The following SPIN2B variants were observed in gnomAD, a reference collection of about 807,000 sequenced individuals.
The protein encoded by SPIN2B is spindlin-2B.
Under a neutral mutation model 9.3 loss-of-function variants are expected in SPIN2B, and 1 was observed. The ratio of observed to expected loss-of-function variants is 0.11; its 90% CI spans 0.04 to 0.51. SPIN2B has a LOEUF of 0.51. Ranked by LOEUF, SPIN2B falls within the 20% of genes least tolerant of loss-of-function variation. The pLI, the probability that SPIN2B is intolerant of heterozygous loss-of-function variation, is 0.94. For missense variants in SPIN2B, 32 were observed against 174.0 expected (o/e 0.18, Z 4.59); for synonymous variants, 15 against 63.4 (o/e 0.24, Z 3.63).
intron 1 of SPIN2B, chrX:57,121,025 C>T: frequency 1.3e-6 from 1 of 752,553 alleles, no homozygotes; most frequent in Non-Finnish European, 1.6e-6. Flanking sequence ...CACAACACCC[C>T]CTGCCTACCC....
Position 57,119,994 on chromosome X carries a change from C to T in SPIN2B, c.636G>A (p.Lys212=), listed in dbSNP as rs778637262. Residue 212 remains lysine (K), a synonymous_variant, in exon 2 of 2, where the codon AAG becomes AAA. Transcript: ENST00000434397. ...PGGVVDGLIG[K]HVEYTKEDGS... ...CATCTTCTTTGGTATATTCCACATG[C>T]TTACCTATTAGGCCATCTACAACTC... 2.1e-5 allele frequency: 25 copies of T among 1,207,624 alleles called. No individual in the cohort carries two copies. Among genetic ancestry groups the T allele is most frequent in the Middle Eastern group, 2.3e-4 (1 of 4,353 alleles).
Position 57,120,494 on chromosome X carries a change from G to A in SPIN2B, c.136C>T (p.Arg46Cys), listed in dbSNP as rs201872206. ...KQRGRPSSQP[R>C]RNIVGCRISH... Reference sequence around the variant, plus strand: ...ATTCTGCAGCCCACGATGTTCCTGCGGGGCTGGGATGAAGGTCGGCCTCTC... The same window carrying A: ...ATTCTGCAGCCCACGATGTTCCTGCAGGGCTGGGATGAAGGTCGGCCTCTC... The change falls in exon 2 of 2, where the codon CGC (arginine) becomes TGC (cysteine). Residue 46 changes from arginine to cysteine, a missense_variant. Coordinates refer to ENST00000434397, the MANE Select transcript of SPIN2B (RefSeq NM_001006681.2). 533 of 642,070 alleles carry A rather than the reference G, an allele frequency of 8.3e-4. No homozygotes were observed. Among genetic ancestry groups the A allele is most frequent in the South Asian group, 5.5e-3 (188 of 34,098 alleles). 52.9% of individuals were successfully genotyped at this position (642,070 alleles called of 1,213,427 possible).
rs1736863 is a variant in SPIN2B, at chrX:57,119,690, A to T, written c.*163T>A. 1 of 1,056,200 alleles carries T rather than the reference A, an allele frequency of 9.5e-7. No homozygotes were observed. The highest frequency in any genetic ancestry group is 1.2e-6 in the Non-Finnish European group (1 of 801,681). The allele number at this position is 1,056,200 out of a possible 1,213,427, so 87.0% of individuals were successfully genotyped here. On this transcript the variant is annotated 3_prime_UTR_variant, in exon 2 of 2. Transcript: ENST00000434397. ...GGCTTACACACAGCATGTCATGTAC[A>T]CACAAGTTTGTATTTTTTAGAGCAA... is the stretch of plus-strand genomic sequence containing the variant.
At chrX:57,121,155 C>A in intron 1 of SPIN2B, 83 bp downstream of exon 1, 1 of 772,477 alleles carries the variant, frequency 1.3e-6, no homozygotes, top group Non-Finnish European at 1.5e-6. Flanking sequence ...CCCACCCTTG[C>A]CTGGCGCCCA....
At position 57,121,274 on chromosome X, in the gene SPIN2B, A is replaced by C. The variant is rs980802503; in HGVS notation, c.-39T>G. On this transcript the variant is annotated 5_prime_UTR_variant, in exon 1 of 2. Transcript: ENST00000434397. ...TCCACCGCCGGGGATCGCGGGCCTC[A>C]CGTGCCCAAATCGGACACCTCGCTG... The C allele has an allele frequency of 6.6e-6, 5 of 758,311 alleles. No homozygotes were observed. Among genetic ancestry groups the C allele is most frequent in the Non-Finnish European group, 1.6e-6 (1 of 641,917 alleles). 62.5% of individuals were successfully genotyped at this position (758,311 alleles called of 1,213,427 possible). A position where few individuals can be genotyped will look rare whatever the true frequency, so the allele number is the denominator to read the frequency against.
chrX:57,121,300 C>T lies in SPIN2B; in HGVS notation c.-65G>A, dbSNP rs73494640. ...CGTGCCCAAATCGGACACCTCGCTG[C>T]TGCCTCCGCTACGAGCCTGTGGCGA... On this transcript the variant is annotated 5_prime_UTR_variant, in exon 1 of 2. Transcript: ENST00000434397. 14 of 757,698 alleles carry T rather than the reference C, an allele frequency of 1.8e-5. No individual in the cohort carries two copies. In the African/African-American group the frequency reaches 2.8e-4, roughly 15 times the overall value. The allele number at this position is 757,698 out of a possible 1,213,427, so 62.4% of individuals were successfully genotyped here.
Position 57,121,287 on chromosome X carries a change from G to C in SPIN2B, c.-52C>G, listed in dbSNP as rs1927163192. 2 of 758,622 alleles carry C rather than the reference G, an allele frequency of 2.6e-6. No homozygotes were observed. The highest frequency in any genetic ancestry group is 7.6e-5 in the Admixed American group (1 of 13,182). 62.5% of individuals were successfully genotyped at this position (758,622 alleles called of 1,213,427 possible). ...ATCGCGGGCCTCACGTGCCCAAATC[G>C]GACACCTCGCTGCTGCCTCCGCTAC... On this transcript the variant is annotated 5_prime_UTR_variant, in exon 1 of 2. Transcript: ENST00000434397.
At chrX:57,120,972 C>T (rs1927099833) in intron 1 of SPIN2B, 1 of 695,955 alleles carries the variant, frequency 1.4e-6, no homozygotes, top group South Asian at 7.3e-5. Flanking sequence ...AGGCCTTGAC[C>T]GGCACCCACT....
rs1927193203 is a variant in SPIN2B, at chrX:57,121,489, G to A, written c.-254C>T. The A allele has an allele frequency of 6.1e-6, 1 of 165,072 alleles. No individual in the cohort carries two copies. The highest frequency in any genetic ancestry group is 9.8e-6 in the Non-Finnish European group (1 of 101,577). 13.6% of individuals were successfully genotyped at this position (165,072 alleles called of 1,213,427 possible). A position where few individuals can be genotyped will look rare whatever the true frequency, so the allele number is the denominator to read the frequency against. On this transcript the variant is annotated 5_prime_UTR_variant, in exon 1 of 2. Transcript: ENST00000434397. ...AGCCCTCCGCCTCCCTGCTGGCGGT[G>A]GCGGCCCCTCAGCCACATCGGGATT... is the stretch of plus-strand genomic sequence containing the variant.
At chrX:57,121,163 C>T in intron 1 of SPIN2B, 75 bp downstream of exon 1, 1 of 771,260 alleles carries the variant, frequency 1.3e-6, no homozygotes, top group Non-Finnish European at 1.5e-6. Flanking sequence ...TGCCTGGCGC[C>T]CAACTCCACC....
Position 57,121,273 on chromosome X carries a change from C to G in SPIN2B, c.-38G>C. 1.3e-6 allele frequency: 1 copy of G among 760,603 alleles called. No homozygotes were observed. The highest frequency in any genetic ancestry group is 1.6e-6 in the Non-Finnish European group (1 of 642,446). 62.7% of individuals were successfully genotyped at this position (760,603 alleles called of 1,213,427 possible). On this transcript the variant is annotated 5_prime_UTR_variant, in exon 1 of 2. Transcript: ENST00000434397. Reference sequence around the variant, plus strand: ...GTCCACCGCCGGGGATCGCGGGCCTCACGTGCCCAAATCGGACACCTCGCT... The same window carrying G: ...GTCCACCGCCGGGGATCGCGGGCCTGACGTGCCCAAATCGGACACCTCGCT...
chrX:57,121,370 G>A lies in SPIN2B; in HGVS notation c.-135C>T. On this transcript the variant is annotated 5_prime_UTR_variant, in exon 1 of 2. Transcript: ENST00000434397. ...CGGCCGAGTGAATGCTTGCAAGAGCGGGGAGGGTAGGATCCGTAGATGAGG... is the reference window on the plus strand; with the variant it reads ...CGGCCGAGTGAATGCTTGCAAGAGCAGGGAGGGTAGGATCCGTAGATGAGG... The A allele has an allele frequency of 5.9e-6, 4 of 679,239 alleles. No individual in the cohort carries two copies. The highest frequency in any genetic ancestry group is 7.0e-6 in the Non-Finnish European group (4 of 569,788). 56.0% of individuals were successfully genotyped at this position (679,239 alleles called of 1,213,427 possible).
In SPIN2B at chrX:57,121,401, G is replaced by T. The variant is rs1927182827; in HGVS notation, c.-166C>A. The T allele has an allele frequency of 3.4e-6, 2 of 587,261 alleles. No individual in the cohort carries two copies. The highest frequency in any genetic ancestry group is 8.9e-5 in the South Asian group (1 of 11,288). The allele number at this position is 587,261 out of a possible 1,213,427, so 48.4% of individuals were successfully genotyped here. On this transcript the variant is annotated 5_prime_UTR_variant, in exon 1 of 2. Coordinates refer to ENST00000434397, the MANE Select transcript of SPIN2B (RefSeq NM_001006681.2). ...GGTAGGATCCGTAGATGAGGAGCGT[G>T]TCTAGGAGGGCGGCGAGACAGGCAA...
rs550578586 is a variant in SPIN2B, at chrX:57,120,782, G to A, written c.-2-151C>T. ...TGCTGGAAATCCTGGCTGCATGCCC[G>A]CAGTGCTCTCCCTCTTAAGTTCCTT... On this transcript the variant is annotated intron_variant, in intron 1 of 1. Transcript: ENST00000434397. The A allele has an allele frequency of 3.1e-3, 765 of 245,094 alleles. 8 individuals are homozygous for A. The highest frequency in any genetic ancestry group is 0.023 in the African/African-American group (666 of 29,057). 20.2% of individuals were successfully genotyped at this position (245,094 alleles called of 1,213,427 possible). A position where few individuals can be genotyped will look rare whatever the true frequency, so the allele number is the denominator to read the frequency against.
At chrX:57,120,991 T>G in intron 1 of SPIN2B, 3 of 730,258 alleles carry the variant, frequency 4.1e-6, no homozygotes, top group African/African-American at 2.3e-5. Flanking sequence ...CTGCCCTCCT[T>G]CCCTGAGCGT....
In SPIN2B at chrX:57,119,750, T is replaced by C; in HGVS notation, c.*103A>G. On this transcript the variant is annotated 3_prime_UTR_variant, in exon 2 of 2. Coordinates refer to ENST00000434397, the MANE Select transcript of SPIN2B (RefSeq NM_001006681.2). Reference sequence around the variant, plus strand: ...TAATGCTGGCAAAGATGTTTAGTTATCAGGGATTCCATAAGCTTTCAATAC... The same window carrying C: ...TAATGCTGGCAAAGATGTTTAGTTACCAGGGATTCCATAAGCTTTCAATAC... The C allele has an allele frequency of 8.7e-7, 1 of 1,143,573 alleles. No homozygotes were observed. The highest frequency in any genetic ancestry group is 1.8e-5 in the African/African-American group (1 of 55,476). 94.2% of individuals were successfully genotyped at this position (1,143,573 alleles called of 1,213,427 possible). A position where few individuals can be genotyped will look rare whatever the true frequency, so the allele number is the denominator to read the frequency against.
In SPIN2B at chrX:57,120,963, G is replaced by C. The variant is rs1262864634; in HGVS notation, c.-3+275C>G. Reference sequence around the variant, plus strand: ...TCCACTTCCAATCCCCTTGCAAAGAGGCCTTGACCGGCACCCACTGCCCTC... The same window carrying C: ...TCCACTTCCAATCCCCTTGCAAAGACGCCTTGACCGGCACCCACTGCCCTC... On this transcript the variant is annotated intron_variant, in intron 1 of 1. Transcript: ENST00000434397. 3 of 654,797 alleles carry C rather than the reference G, an allele frequency of 4.6e-6. No homozygotes were observed. In the African/African-American group the frequency reaches 7.3e-5, roughly 16 times the overall value. The allele number at this position is 654,797 out of a possible 1,213,427, so 54.0% of individuals were successfully genotyped here.
Position 57,121,288 on chromosome X carries a change from G to T in SPIN2B, c.-53C>A. ...TCGCGGGCCTCACGTGCCCAAATCGGACACCTCGCTGCTGCCTCCGCTACG... is the reference window on the plus strand; with the variant it reads ...TCGCGGGCCTCACGTGCCCAAATCGTACACCTCGCTGCTGCCTCCGCTACG... On this transcript the variant is annotated 5_prime_UTR_variant, in exon 1 of 2. Coordinates refer to ENST00000434397, the MANE Select transcript of SPIN2B (RefSeq NM_001006681.2). 1 of 760,145 alleles carries T rather than the reference G, an allele frequency of 1.3e-6. No individual in the cohort carries two copies. Among genetic ancestry groups the T allele is most frequent in the Non-Finnish European group, 1.6e-6 (1 of 642,168 alleles). 62.6% of individuals were successfully genotyped at this position (760,145 alleles called of 1,213,427 possible). A position where few individuals can be genotyped will look rare whatever the true frequency, so the allele number is the denominator to read the frequency against.
intron 1 of SPIN2B, 140 bp downstream of exon 1, chrX:57,121,098 G>A: frequency 1.2e-6 from 1 of 811,362 alleles, no homozygotes; most frequent in South Asian, 5.1e-5. Flanking sequence ...TCCTTGTCTG[G>A]CTCCCGTTCC....
Sources: gnomAD v4.1 joint callset for allele counts on GRCh38, gnomAD v4.1.1 for gene constraint, MANE v1.5 for transcripts, NCBI Gene and HGNC (gene_info 2026-07-23, HGNC 2026-07-21) for gene names.